The following IMPG1 variants were observed in gnomAD, a reference collection of about 807,000 sequenced individuals.
IMPG1 encodes interphotoreceptor matrix proteoglycan of 150 kDa.
IMPG1 carries 85 observed loss-of-function variants against 92.0 expected under a neutral mutation model. The observed-to-expected ratio is 0.92, with a 90% CI of 0.78 to 1.11. IMPG1 has a LOEUF of 1.11. Among genes scored for constraint, IMPG1 ranks in the 50% least tolerant of loss-of-function variants. The probability of loss-of-function intolerance (pLI) is 0.00; values close to 1 mark genes in which losing one functional copy is unlikely to be tolerated. For missense variants in IMPG1, 1,022 were observed against 956.0 expected (o/e 1.07, Z -0.91); for synonymous variants, 367 against 334.1 (o/e 1.10, Z -1.08).
intron 14 of IMPG1, among the ~76,000 whole-genome samples, chr6:75,944,124 G>A (rs1562342343): frequency 1.3e-5 from 2 of 152,184 alleles, no homozygotes; most frequent in Non-Finnish European, 2.9e-5. Context: ...TTACATGGGT[G>A]AACCCAGCCT....
chr6:75,944,905 C>T (rs1386550543), intron 14 of IMPG1, among the ~76,000 whole-genome samples: 1 of 27,352 alleles, frequency 3.7e-5, no homozygotes, highest in Non-Finnish European at 1.9e-3. Flanking sequence ...CAGGCACTGG[C>T]TTTCCCCTAC....
chr6:75,965,816 C>T (rs541431872), intron 12 of IMPG1, among the ~76,000 whole-genome samples: 1 of 152,004 alleles, frequency 6.6e-6, no homozygotes, highest in Non-Finnish European at 1.5e-5. Context: ...ACCGTGTTAG[C>T]CAGGATGGTC....
intron 4 of IMPG1, among the ~76,000 whole-genome samples, chr6:76,025,499 CT>C (rs146322420): frequency 5.3e-5 from 8 of 151,798 alleles, no homozygotes; most frequent in Non-Finnish European, 8.8e-5. Context: ...CGTAAGCATC[CT>C]TTTTTTTGTG....
rs146117469 is a variant in IMPG1, at chr6:75,931,070, T to C, written c.2126A>G (p.Glu709Gly). The C allele has an allele frequency of 1.6e-4, 261 of 1,614,164 alleles. No individual in the cohort carries two copies. The African/African-American group carries it at 3.3e-3, about 20-fold the overall frequency. ...CVKNERTEEA[E>G]CRCKPGYDSQ... ...GTCATATCCTGGTTTGCAGCGACACTCCGCTTCCTCAGTCCGTTCGTTCTT... is the reference window on the plus strand; with the variant it reads ...GTCATATCCTGGTTTGCAGCGACACCCCGCTTCCTCAGTCCGTTCGTTCTT... Residue 709 changes from glutamate to glycine, a missense_variant, in exon 15 of 17, where the codon GAG becomes GGG. Coordinates refer to ENST00000369950, the MANE Select transcript of IMPG1 (RefSeq NM_001563.4).
At chr6:75,970,711 A>C (rs1303322765) in intron 12 of IMPG1, among the ~76,000 whole-genome samples, 21 of 152,188 alleles carry the variant, frequency 1.4e-4, no homozygotes, top group Admixed American at 1.0e-3. Context: ...TGTAATATGG[A>C]TTTGACATGC....
chr6:75,992,914 T>A (rs1399835510), intron 12 of IMPG1, among the ~76,000 whole-genome samples: 2 of 152,224 alleles, frequency 1.3e-5, no homozygotes, highest in Non-Finnish European at 2.9e-5. Flanking sequence ...ACTGTTTTTC[T>A]CCTCTTCTGA....
intron 1 of IMPG1, among the ~76,000 whole-genome samples, chr6:76,047,094 A>G (rs1189122443): frequency 6.6e-6 from 1 of 152,192 alleles, no homozygotes; most frequent in Non-Finnish European, 1.5e-5. Flanking sequence ...TTACCAGCAT[A>G]GCTTAGCTCT....
intron 9 of IMPG1, among the ~76,000 whole-genome samples, chr6:76,007,122 T>C (rs1582100083): frequency 6.6e-6 from 1 of 152,192 alleles, no homozygotes; most frequent in Admixed American, 6.5e-5. Context: ...TGATTCCATG[T>C]ATGTGTGTGC....
chr6:76,042,336 T>C (rs1582125442), intron 1 of IMPG1, among the ~76,000 whole-genome samples: 1 of 152,136 alleles, frequency 6.6e-6, no homozygotes, highest in Non-Finnish European at 1.5e-5. Flanking sequence ...AGCGTATTTT[T>C]AAAAAGCCAA....
At chr6:76,044,547 A>AT (rs1783902771) in intron 1 of IMPG1, among the ~76,000 whole-genome samples, 1 of 152,112 alleles carries the variant, frequency 6.6e-6, no homozygotes, top group African/African-American at 2.4e-5. Flanking sequence ...TTACTGCCTA[A>AT]TGTTATGCCC....
intron 8 of IMPG1, among the ~76,000 whole-genome samples, chr6:76,010,646 T>C (rs1783168151): frequency 6.6e-6 from 1 of 152,216 alleles, no homozygotes; most frequent in Non-Finnish European, 1.5e-5. Context: ...TATTTTAGAA[T>C]GTCTTGCTTA....
At chr6:76,033,385 G>A (rs189364841) in intron 4 of IMPG1, among the ~76,000 whole-genome samples, 4 of 152,196 alleles carry the variant, frequency 2.6e-5, no homozygotes, top group African/African-American at 7.2e-5. Flanking sequence ...GGCTGGAAAA[G>A]GTTGGGAGTG....
chr6:75,963,514 T>C (rs1782244438), intron 12 of IMPG1, among the ~76,000 whole-genome samples: 1 of 152,180 alleles, frequency 6.6e-6, no homozygotes, highest in Non-Finnish European at 1.5e-5. Flanking sequence ...ATACAGAGAG[T>C]AACATCTGTG....
At chr6:76,045,526 A>AC (rs1334025506) in intron 1 of IMPG1, among the ~76,000 whole-genome samples, 1 of 149,572 alleles carries the variant, frequency 6.7e-6, no homozygotes, top group African/African-American at 2.5e-5. Context: ...ACCACAGAGA[A>AC]CCCCCCTGTG....
intron 1 of IMPG1, among the ~76,000 whole-genome samples, chr6:76,050,315 C>A (rs745310308): frequency 1.3e-5 from 2 of 152,076 alleles, no homozygotes; most frequent in Admixed American, 6.6e-5. Context: ...CAGTGGCGCA[C>A]CCCTGTAATC....
At chr6:75,972,571 C>A (rs1782441607) in intron 12 of IMPG1, among the ~76,000 whole-genome samples, 1 of 152,160 alleles carries the variant, frequency 6.6e-6, no homozygotes, top group Admixed American at 6.5e-5. Flanking sequence ...TGTTTACCTG[C>A]CTCTATAAAA....
chr6:76,006,182 A>AT (rs1302049948), intron 9 of IMPG1, among the ~76,000 whole-genome samples: 1 of 151,898 alleles, frequency 6.6e-6, no homozygotes, highest in Non-Finnish European at 1.5e-5. Context: ...ATTGACCACT[A>AT]TTTTTTGTGA....
intron 6 of IMPG1, among the ~76,000 whole-genome samples, chr6:76,019,096 T>C (rs907740221): frequency 2.6e-5 from 4 of 152,140 alleles, no homozygotes; most frequent in African/African-American, 4.8e-5. Context: ...AAGAGAAAGT[T>C]TGAAATTTCT....
At chr6:75,983,533 A>C (rs192767118) in intron 12 of IMPG1, among the ~76,000 whole-genome samples, 64 of 152,314 alleles carry the variant, frequency 4.2e-4, no homozygotes, top group African/African-American at 1.5e-3. Flanking sequence ...CTGCAGAAGA[A>C]TGAAATTAGA....
Sources: gnomAD v4.1 joint callset for allele counts (sites outside exome capture counted in the v4.1 genomes callset) on GRCh38, gnomAD v4.1.1 for gene constraint, MANE v1.5 for transcripts, NCBI Gene and HGNC (gene_info 2026-07-23, HGNC 2026-07-21) for gene names.